RBFOX1: variants seen among roughly 807,000 people sequenced by gnomAD.
The protein encoded by RBFOX1 is RNA binding protein fox-1 homolog 1.
RBFOX1 carries 8 observed loss-of-function variants against 57.7 expected under a neutral mutation model. The observed-to-expected ratio is 0.14, with a 90% confidence interval of 0.08 to 0.25. The LOEUF (loss-of-function observed/expected upper bound fraction) is 0.25, where lower values mean the gene tolerates loss of function less well. Ranked by LOEUF, RBFOX1 falls within the 10% of genes least tolerant of loss-of-function variation. RBFOX1 has a pLI of 1.00. For synonymous variants in RBFOX1, 326 were observed against 222.4 expected (o/e 1.47, Z -4.15); for missense variants, 611 against 548.5 (o/e 1.11, Z -1.14).
intron 4 of RBFOX1, among the ~76,000 whole-genome samples, chr16:7,108,566 TTGTTTG>T (rs896269297): frequency 6.6e-6 from 1 of 152,148 alleles, no homozygotes; most frequent in Non-Finnish European, 1.5e-5. Flanking sequence ...GTGCCTGTAA[TTGTTTG>T]TGTTTGCGTA....
At chr16:7,583,809 A>C (rs1236732945) in intron 6 of RBFOX1, among the ~76,000 whole-genome samples, 1 of 150,854 alleles carries the variant, frequency 6.6e-6, no homozygotes, top group South Asian at 2.1e-4. Context: ...AGGGAGACCC[A>C]GTTTCTACAA....
intron 4 of RBFOX1, among the ~76,000 whole-genome samples, chr16:7,326,092 TCCCTGCG>T (rs2096607971): frequency 6.6e-6 from 1 of 152,190 alleles, no homozygotes; most frequent in African/African-American, 2.4e-5. Context: ...TCACTTGGAC[TCCCTGCG>T]CCTCTGTCTC....
chr16:6,472,305 C>T (rs1247925330), intron 2 of RBFOX1, among the ~76,000 whole-genome samples: 4 of 152,184 alleles, frequency 2.6e-5, no homozygotes, highest in Non-Finnish European at 5.9e-5. Context: ...ATTGGTATCT[C>T]TATGGTACAC....
chr16:7,709,750 AG>A, intron 15 of RBFOX1: 2 of 71,760 alleles, frequency 2.8e-5, no homozygotes, highest in Non-Finnish European at 1.8e-5. Context: ...TTGTTTTGGG[AG>A]GGGGTGGGGG....
At chr16:6,324,903 G>A (rs1179703260) in intron 2 of RBFOX1, among the ~76,000 whole-genome samples, 1 of 152,198 alleles carries the variant, frequency 6.6e-6, no homozygotes, top group African/African-American at 2.4e-5. Context: ...GCCCACCTGT[G>A]TACAGAAATT....
At position 7,169,724 on chromosome 16, in the gene RBFOX1, A is replaced by G. The variant is rs1953391738; in HGVS notation, c.27+117626A>G. On this transcript the variant is annotated intron_variant, in intron 4 of 15. Transcript: ENST00000550418. Reference sequence around the variant, plus strand: ...ACTATTTTGTTGCATATGATGATACAGAGCATTAATTCATCTGCCTTCTCC... The same window carrying G: ...ACTATTTTGTTGCATATGATGATACGGAGCATTAATTCATCTGCCTTCTCC... 2.0e-5 allele frequency among the ~76,000 whole-genome samples: 3 copies of G among 152,346 alleles called. No individual in the cohort carries two copies. The South Asian group carries it at 6.2e-4, about 32-fold the overall frequency.
At chr16:6,698,722 C>A (rs1436746177) in intron 3 of RBFOX1, among the ~76,000 whole-genome samples, 1 of 152,130 alleles carries the variant, frequency 6.6e-6, no homozygotes. Context: ...TCCTCCAAGC[C>A]GTTCTCAAAT....
chr16:5,318,260 G>C (rs1969526), intron 1 of RBFOX1, among the ~76,000 whole-genome samples: 151,831 of 152,276 alleles, frequency 1, 75,696 homozygotes, highest in Middle Eastern at 1. Context: ...TCCCAAGTAG[G>C]TGGGATTACA....
At chr16:7,330,388 GTTT>G (rs71391623) in intron 4 of RBFOX1, among the ~76,000 whole-genome samples, 3 of 88,136 alleles carry the variant, frequency 3.4e-5, no homozygotes, top group South Asian at 4.9e-4. Context: ...AGGTGCAGAG[GTTT>G]TTTTTTTTTT....
At chr16:6,210,476 T>A (rs2097288996) in intron 1 of RBFOX1, among the ~76,000 whole-genome samples, 1 of 148,878 alleles carries the variant, frequency 6.7e-6, no homozygotes, top group African/African-American at 2.5e-5. Flanking sequence ...ACTCCTATAA[T>A]CCCAGCACTT....
intron 3 of RBFOX1, among the ~76,000 whole-genome samples, chr16:6,915,244 C>T (rs902349318): frequency 2.0e-5 from 3 of 152,128 alleles, no homozygotes; most frequent in Non-Finnish European, 2.9e-5. Flanking sequence ...GCCTGTGGTC[C>T]TCAGCATTTC....
intron 1 of RBFOX1, among the ~76,000 whole-genome samples, chr16:5,432,681 C>T (rs1400847141): frequency 6.6e-6 from 1 of 151,440 alleles, no homozygotes; most frequent in Non-Finnish European, 1.5e-5. Flanking sequence ...AGAGGGCTGA[C>T]TGTGGGTGCC....
intron 3 of RBFOX1, among the ~76,000 whole-genome samples, chr16:5,752,896 C>T (rs1271758878): frequency 6.6e-6 from 1 of 152,122 alleles, no homozygotes; most frequent in Non-Finnish European, 1.5e-5. Flanking sequence ...AAAAAGAGTG[C>T]CCAGCACTTT....
intron 6 of RBFOX1, among the ~76,000 whole-genome samples, chr16:7,585,802 C>T (rs998807497): frequency 4.6e-5 from 7 of 152,100 alleles, no homozygotes; most frequent in Admixed American, 4.6e-4. Flanking sequence ...TTAGTAGGAC[C>T]CTCTTGACAT....
intron 3 of RBFOX1, among the ~76,000 whole-genome samples, chr16:6,893,914 A>T (rs146834422): frequency 0.012 from 1,865 of 152,286 alleles, 49 homozygotes; most frequent in African/African-American, 0.042. Context: ...TAGAGGGAGC[A>T]AGCTGACCTG....
In RBFOX1 at chr16:6,019,825, G is replaced by A. The variant is rs1321552710; in HGVS notation, c.-294G>A. Reference sequence around the variant, plus strand: ...CGCCGCGCCCAGGCAGGCGCGCCAGGGCGGGGCTGACCTGCCCGCGAAGTT... The same window carrying A: ...CGCCGCGCCCAGGCAGGCGCGCCAGAGCGGGGCTGACCTGCCCGCGAAGTT... On this transcript the variant is annotated 5_prime_UTR_variant, in exon 1 of 16. Coordinates refer to ENST00000550418, the MANE Select transcript of RBFOX1 (RefSeq NM_018723.4). This position sits in a 1 kb window ranked among gnomAD's most constrained non-coding sequence, Gnocchi z 4.2. 32 of 1,513,456 alleles carry A rather than the reference G, an allele frequency of 2.1e-5. No individual in the cohort carries two copies. The highest frequency in any genetic ancestry group is 5.0e-5 in the East Asian group (2 of 39,778). The allele number at this position is 1,513,456 out of a possible 1,614,324, so 93.8% of individuals were successfully genotyped here.
chr16:6,231,444 A>G (rs1316804505), intron 1 of RBFOX1, among the ~76,000 whole-genome samples: 1 of 152,150 alleles, frequency 6.6e-6, no homozygotes, highest in African/African-American at 2.4e-5. Context: ...GTGCTATATA[A>G]AGATAAGGAT....
chr16:5,770,161 A>C (rs2053929151), intron 3 of RBFOX1, among the ~76,000 whole-genome samples: 1 of 152,184 alleles, frequency 6.6e-6, no homozygotes, highest in African/African-American at 2.4e-5. Context: ...TGCTTAAGTG[A>C]GAACCTCTCA....
intron 5 of RBFOX1, among the ~76,000 whole-genome samples, chr16:7,530,428 C>G (rs1366967519): frequency 1.3e-5 from 2 of 152,020 alleles, no homozygotes; most frequent in African/African-American, 4.8e-5. Flanking sequence ...TTTCTCTTTG[C>G]TATCCTATTT....
Sources: gnomAD v4.1 joint callset for allele counts (sites outside exome capture counted in the v4.1 genomes callset) on GRCh38, gnomAD v4.1.1 for gene constraint, Gnocchi (gnomAD v3.1) non-coding constraint, MANE v1.5 for transcripts, NCBI Gene and HGNC (gene_info 2026-07-23, HGNC 2026-07-21) for gene names.